Variants in SIRT1 observed in about 807,000 individuals in gnomAD.
SIRT1 encodes sirtuin 1, also known as NAD-dependent protein deacetylase sirtuin-1.
A neutral mutation model predicts 67.9 loss-of-function variants in SIRT1; 24 were observed. That is an observed-to-expected ratio of 0.35 (90% confidence interval 0.26 to 0.50). The LOEUF (loss-of-function observed/expected upper bound fraction) is 0.50, where lower values mean the gene tolerates loss of function less well. SIRT1 is among the 20% of genes least tolerant of loss of function. SIRT1 has a pLI of 0.98. For missense variants in SIRT1, 873 were observed against 937.2 expected (o/e 0.93, Z 0.89); for synonymous variants, 378 against 350.7 (o/e 1.08, Z -0.87).
rs777147954 is a variant in SIRT1, at chr10:67,912,865, A to C, written c.1749A>C (p.Gln583His). ...GCMEEKPQEV[Q>H]TSRNVESIAE... is the part of the protein sequence containing the mutation. The stretch of plus-strand genomic sequence containing the variant: ...TGGAAGAAAAACCACAGGAAGTACA[A>C]ACTTCTAGGAATGTTGAAAGTATTG... Residue 583 changes from glutamine to histidine, a missense_variant, in exon 8 of 9, where the codon CAA becomes CAC. Coordinates refer to ENST00000212015, the MANE Select transcript of SIRT1 (RefSeq NM_012238.5). 6.2e-7 allele frequency: 1 copy of C among 1,614,174 alleles called. No individual in the cohort carries two copies. The highest frequency in any genetic ancestry group is 1.7e-5 in the Admixed American group (1 of 60,016).
At chr10:67,915,294 A>C (rs940790646) in intron 8 of SIRT1, among the ~76,000 whole-genome samples, 1 of 152,178 alleles carries the variant, frequency 6.6e-6, no homozygotes, top group African/African-American at 2.4e-5. Flanking sequence ...TAAATACTAC[A>C]TCTATTATGT....
chr10:67,895,861 T>C (rs10823106), intron 4 of SIRT1, among the ~76,000 whole-genome samples: 94,441 of 150,170 alleles, frequency 0.63, 30,408 homozygotes, highest in Non-Finnish European at 0.68. Context: ...GCTGCCTCAG[T>C]CTACTGAGTA....
chr10:67,895,703 T>C (rs1456348388), intron 4 of SIRT1, among the ~76,000 whole-genome samples: 3 of 151,276 alleles, frequency 2.0e-5, no homozygotes, highest in South Asian at 2.1e-4. Context: ...ATTATATCAT[T>C]GATTGTATGT....
Position 67,907,265 on chromosome 10 carries a change from C to T in SIRT1, c.1090+328C>T, listed in dbSNP as rs769749003. Among the ~76,000 whole-genome samples the T allele has an allele frequency of 3.4e-4, 52 of 152,160 alleles. 1 individual carries two copies. The highest frequency in any genetic ancestry group is 2.2e-3 in the Admixed American group (34 of 15,278). On this transcript the variant is annotated intron_variant, in intron 5 of 8. Coordinates refer to ENST00000212015, the MANE Select transcript of SIRT1 (RefSeq NM_012238.5). ...ATCCTAGCACTTTGGGAAGCCGAGG[C>T]GGGCAGATCCCATGAAGCCAAGAGT...
rs533114946 is a variant in SIRT1, at chr10:67,906,624, C to T, written c.943-166C>T. Among the ~76,000 whole-genome samples the T allele has an allele frequency of 3.3e-4, 50 of 152,228 alleles. 1 individual carries two copies. Among genetic ancestry groups the T allele is most frequent in the East Asian group, 2.5e-3 (13 of 5,186 alleles). ...TGAGTTTTATGCATATGACAGCAAC[C>T]GTCCTTTTGTAGGTGTGTGTCGCAT... On this transcript the variant is annotated intron_variant, in intron 4 of 8. Coordinates refer to ENST00000212015, the MANE Select transcript of SIRT1 (RefSeq NM_012238.5).
chr10:67,888,565 T>C (rs964278200), intron 2 of SIRT1, among the ~76,000 whole-genome samples: 1 of 152,198 alleles, frequency 6.6e-6, no homozygotes, highest in African/African-American at 2.4e-5. Context: ...CGTAGAACCC[T>C]TTTGTAAATA....
At chr10:67,911,357 A>G (rs1842895716) in intron 7 of SIRT1, among the ~76,000 whole-genome samples, 1 of 151,914 alleles carries the variant, frequency 6.6e-6, no homozygotes, top group South Asian at 2.1e-4. Context: ...TGCTTGGCAA[A>G]TTTTTAAATT....
chr10:67,902,278 C>T (rs978535562), intron 4 of SIRT1, among the ~76,000 whole-genome samples: 11 of 152,156 alleles, frequency 7.2e-5, no homozygotes, highest in African/African-American at 1.9e-4. Context: ...CGTGAGCCAC[C>T]GCGCCCGGCT....
In SIRT1 at chr10:67,889,169, T is replaced by TG. The variant is rs745622252; in HGVS notation, c.789+47dup. 9.2e-6 allele frequency: 14 copies of TG among 1,518,706 alleles called. No individual in the cohort carries two copies. The South Asian group carries it at 1.8e-4, about 20-fold the overall frequency. The allele number at this position is 1,518,706 out of a possible 1,614,324, so 94.1% of individuals were successfully genotyped here. On this transcript the variant is annotated intron_variant, in intron 3 of 8. Coordinates refer to ENST00000212015, the MANE Select transcript of SIRT1 (RefSeq NM_012238.5). The stretch of plus-strand genomic sequence containing the variant: ...GGGAGGTCGTATATGTATTTTCTTA[T>TG]GCCTTTTCCAAGTAGGAAACATTTT...
At chr10:67,898,079 G>GTGA (rs1315515893) in intron 4 of SIRT1, among the ~76,000 whole-genome samples, 1 of 149,600 alleles carries the variant, frequency 6.7e-6, no homozygotes, top group Non-Finnish European at 1.5e-5. Flanking sequence ...GACCAACATG[G>GTGA]TGAAACCCTG....
intron 4 of SIRT1, among the ~76,000 whole-genome samples, chr10:67,897,249 G>A (rs1239869590): frequency 6.6e-6 from 1 of 151,540 alleles, no homozygotes; most frequent in African/African-American, 2.4e-5. Context: ...AACAGTTAAG[G>A]CCAGTTTTAA....
At chr10:67,893,447 G>A (rs182013312) in intron 4 of SIRT1, among the ~76,000 whole-genome samples, 4 of 152,120 alleles carry the variant, frequency 2.6e-5, no homozygotes, top group African/African-American at 7.2e-5. Context: ...GGCTTCCAGC[G>A]AAGGAGTCTT....
rs1458010127 is a variant in SIRT1 at position 67,884,673 on chromosome 10, A to C, written c.-49A>C. 1.1e-5 allele frequency: 14 copies of C among 1,225,390 alleles called. No individual in the cohort carries two copies. Among genetic ancestry groups the C allele is most frequent in the Non-Finnish European group, 1.2e-5 (12 of 984,150 alleles). The allele number at this position is 1,225,390 out of a possible 1,614,324, so 75.9% of individuals were successfully genotyped here. On this transcript the variant is annotated 5_prime_UTR_variant, in exon 1 of 9. Coordinates refer to ENST00000212015, the MANE Select transcript of SIRT1 (RefSeq NM_012238.5). ...GCGGGGGCGCCAGTGCCGCGCGTCGAGCGGGAGCAGAGGAGGCGAGGGAGG... is the reference window on the plus strand; with the variant it reads ...GCGGGGGCGCCAGTGCCGCGCGTCGCGCGGGAGCAGAGGAGGCGAGGGAGG...
intron 8 of SIRT1, among the ~76,000 whole-genome samples, chr10:67,915,584 ACAGGT>A (rs2029885917): frequency 3.3e-5 from 5 of 152,216 alleles, no homozygotes; most frequent in Non-Finnish European, 7.3e-5. Flanking sequence ...ATTTAGGTTC[ACAGGT>A]GATACTGTAG....
chr10:67,886,877 CT>C (rs549398107), intron 1 of SIRT1, among the ~76,000 whole-genome samples: 2 of 140,620 alleles, frequency 1.4e-5, no homozygotes, highest in Admixed American at 1.4e-4. Context: ...TTTTCCTTTT[CT>C]TTTTTTTTAA....
chr10:67,898,804 C>T (rs1176108378), intron 4 of SIRT1, among the ~76,000 whole-genome samples: 1 of 152,140 alleles, frequency 6.6e-6, no homozygotes, highest in African/African-American at 2.4e-5. Flanking sequence ...CCTCTGCACA[C>T]CAGCCTGAGT....
At chr10:67,901,654 G>A (rs140222698) in intron 4 of SIRT1, among the ~76,000 whole-genome samples, 65 of 152,258 alleles carry the variant, frequency 4.3e-4, no homozygotes, top group African/African-American at 1.1e-3. Flanking sequence ...TATGTTATAC[G>A]TGGTACATAC....
chr10:67,900,789 G>A (rs779224765), intron 4 of SIRT1, among the ~76,000 whole-genome samples: 1 of 152,106 alleles, frequency 6.6e-6, no homozygotes, highest in Non-Finnish European at 1.5e-5. Flanking sequence ...ACTACTGGCC[G>A]TTTGTATATC....
chr10:67,884,985 G>A lies in SIRT1; in HGVS notation c.264G>A (p.Gly88=). The change falls in exon 1 of 9, where the codon GGG becomes GGA. Residue 88 remains glycine (G), a synonymous_variant. Coordinates refer to ENST00000212015, the MANE Select transcript of SIRT1 (RefSeq NM_012238.5). ...AGGCAGAGGCGGCGGCGGCAGGCGGGGAGCAAGAGGCCCAGGCGACTGCGG... is the reference window on the plus strand; with the variant it reads ...AGGCAGAGGCGGCGGCGGCAGGCGGAGAGCAAGAGGCCCAGGCGACTGCGG... ...EAEAEAAAAG[G]EQEAQATAAA... The A allele has an allele frequency of 2.4e-6, 3 of 1,270,918 alleles. No homozygotes were observed. Among genetic ancestry groups the A allele is most frequent in the South Asian group, 3.3e-5 (1 of 30,104 alleles). 78.7% of individuals were successfully genotyped at this position (1,270,918 alleles called of 1,614,324 possible). A position where few individuals can be genotyped will look rare whatever the true frequency, so the allele number is the denominator to read the frequency against.
Sources: gnomAD v4.1 joint callset for allele counts (sites outside exome capture counted in the v4.1 genomes callset) on GRCh38, gnomAD v4.1.1 for gene constraint, MANE v1.5 for transcripts, NCBI Gene and HGNC (gene_info 2026-07-23, HGNC 2026-07-21) for gene names.